The following C12orf54 variants were observed in gnomAD, a reference collection of about 807,000 sequenced individuals.
The protein encoded by C12orf54 is chromosome 12 open reading frame 54.
In C12orf54, 24 loss-of-function variants were observed where a neutral mutation model predicts 26.4. The ratio of observed to expected loss-of-function variants is 0.91; its 90% confidence interval spans 0.66 to 1.28. C12orf54 has a LOEUF of 1.28. C12orf54 is among the 50% of genes most tolerant of loss of function. The probability of loss-of-function intolerance (pLI) is 0.00; values close to 1 mark genes in which losing one functional copy is unlikely to be tolerated. For missense variants in C12orf54, 154 were observed against 150.9 expected (o/e 1.02, Z -0.11); for synonymous variants, 54 against 47.0 (o/e 1.15, Z -0.61).
chr12:48,495,984 A>G (rs1194470259), intron 8 of C12orf54, among the ~76,000 whole-genome samples, 197 bp from the exon 9 acceptor site: 2 of 152,178 alleles, frequency 1.3e-5, no homozygotes, highest in African/African-American at 4.8e-5. Flanking sequence ...TGATGTGGAA[A>G]CTACACAGAG....
At chr12:48,445,065 G>C in the C12orf54 span, among the ~76,000 whole-genome samples, 1 of 152,150 alleles carries the variant, frequency 6.6e-6, no homozygotes, top group African/African-American at 2.4e-5. Context: ...CAGCTACTCG[G>C]GAGGCTGAGG....
the C12orf54 span, among the ~76,000 whole-genome samples, chr12:48,447,777 A>T: frequency 1.3e-5 from 2 of 152,132 alleles, no homozygotes; most frequent in African/African-American, 2.4e-5. Context: ...AAAGTTATAG[A>T]CCTTAAAATA....
chr12:48,463,419 G>T, the C12orf54 span, among the ~76,000 whole-genome samples: 1 of 151,828 alleles, frequency 6.6e-6, no homozygotes, highest in African/African-American at 2.4e-5. Flanking sequence ...CTCCAAAATC[G>T]AGTCAGTAAT....
the C12orf54 span, among the ~76,000 whole-genome samples, chr12:48,431,918 G>A: frequency 6.6e-6 from 1 of 152,254 alleles, no homozygotes; most frequent in South Asian, 2.1e-4. Context: ...CTGTAAATAT[G>A]CTAGAAACCA....
chr12:48,489,665 C>T (rs1193983646), intron 5 of C12orf54, among the ~76,000 whole-genome samples: 1 of 152,084 alleles, frequency 6.6e-6, no homozygotes, highest in Non-Finnish European at 1.5e-5. Flanking sequence ...CATCTGCCAG[C>T]CTTGGCCTCC....
upstream of C12orf54, among the ~76,000 whole-genome samples, chr12:48,482,299 A>T (rs552237711): frequency 2.5e-4 from 38 of 152,328 alleles, no homozygotes; most frequent in African/African-American, 8.9e-4. Context: ...TGCAATGGGT[A>T]GAAGGCAATG....
the C12orf54 span, among the ~76,000 whole-genome samples, chr12:48,460,766 A>C: frequency 6.6e-6 from 1 of 152,174 alleles, no homozygotes. Context: ...ACCATAAAGC[A>C]GCCTCTAAAG....
chr12:48,415,750 T>A, the C12orf54 span, among the ~76,000 whole-genome samples: 32 of 152,130 alleles, frequency 2.1e-4, no homozygotes, highest in Non-Finnish European at 2.4e-4. Flanking sequence ...ATACACCCCA[T>A]ATATTAGCCC....
the C12orf54 span, among the ~76,000 whole-genome samples, chr12:48,433,482 C>G: frequency 1.6e-3 from 235 of 147,648 alleles, no homozygotes; most frequent in African/African-American, 5.5e-3. Context: ...GGATCTTGCT[C>G]TGTTGCCCAG....
chr12:48,431,436 CAT>C, the C12orf54 span, among the ~76,000 whole-genome samples: 3 of 152,018 alleles, frequency 2.0e-5, no homozygotes, highest in East Asian at 1.9e-4. Flanking sequence ...ATGCTGAATA[CAT>C]GAGTCAATAT....
rs1937912220 is a variant in C12orf54 at position 48,496,386 on chromosome 12, ACTT to A, written c.*247_*249del. On this transcript the variant is annotated 3_prime_UTR_variant, in exon 9 of 9. Coordinates refer to ENST00000548364, the MANE Select transcript of C12orf54 (RefSeq NM_152319.4). ...TGATGAAATAAATGTGACGTAGAAG[ACTT>A]GCCTTCCTGGTTCTTCCTGGGCTGT... 1 of 152,788 alleles carries A rather than the reference ACTT, an allele frequency of 6.5e-6. No homozygotes were observed. The highest frequency in any genetic ancestry group is 2.4e-5 in the African/African-American group (1 of 41,588). The allele number at this position is 152,788 out of a possible 1,614,324, so 9.5% of individuals were successfully genotyped here. A position where few individuals can be genotyped will look rare whatever the true frequency, so the allele number is the denominator to read the frequency against.
intron 4 of C12orf54, 145 bp from the exon 5 acceptor site, chr12:48,488,779 C>A (rs2705126): frequency 0.9 from 616,448 of 688,674 alleles, 276,174 homozygotes; most frequent in East Asian, 0.97. Context: ...TTATTGCTAG[C>A]GCTACAAAGC....
chr12:48,459,516 C>T, the C12orf54 span, among the ~76,000 whole-genome samples: 8 of 152,188 alleles, frequency 5.3e-5, no homozygotes, highest in East Asian at 1.5e-3. Flanking sequence ...GAGCAAAGCC[C>T]TTCCTCCAAG....
the C12orf54 span, among the ~76,000 whole-genome samples, chr12:48,462,709 G>C: frequency 6.6e-6 from 1 of 151,602 alleles, no homozygotes; most frequent in Non-Finnish European, 1.5e-5. Flanking sequence ...TTGGCAAAGT[G>C]GGAATATAGG....
At chr12:48,495,526 A>T (rs1937893571) in intron 8 of C12orf54, 1 of 152,512 alleles carries the variant, frequency 6.6e-6, no homozygotes, top group African/African-American at 2.4e-5. Context: ...CATTTCCTCA[A>T]CCCTTTTCAC....
At chr12:48,495,994 G>A (rs1051897368) in intron 8 of C12orf54, among the ~76,000 whole-genome samples, 187 bp from the exon 9 acceptor site, 1 of 152,178 alleles carries the variant, frequency 6.6e-6, no homozygotes, top group Admixed American at 6.5e-5. Flanking sequence ...ACTACACAGA[G>A]AATATTGTCT....
the C12orf54 span, among the ~76,000 whole-genome samples, chr12:48,418,767 TGTTTA>T: frequency 2.0e-5 from 3 of 152,198 alleles, no homozygotes; most frequent in South Asian, 2.1e-4. Context: ...ATTTTTCTGT[TGTTTA>T]GTTCTTCCTC....
chr12:48,422,647 A>G, the C12orf54 span, among the ~76,000 whole-genome samples: 1 of 152,204 alleles, frequency 6.6e-6, no homozygotes, highest in African/African-American at 2.4e-5. Context: ...TCTTAGAGGC[A>G]ACTTGTATAA....
chr12:48,438,598 A>C, the C12orf54 span, among the ~76,000 whole-genome samples: 1 of 152,104 alleles, frequency 6.6e-6, no homozygotes, highest in African/African-American at 2.4e-5. Flanking sequence ...AGAAATAATG[A>C]TGCATATCTA....
Sources: gnomAD v4.1 joint callset for allele counts (sites outside exome capture counted in the v4.1 genomes callset) on GRCh38, gnomAD v4.1.1 for gene constraint, MANE v1.5 for transcripts, NCBI Gene and HGNC (gene_info 2026-07-23, HGNC 2026-07-21) for gene names.